Variants in ZFAND3 observed in about 807,000 individuals in gnomAD.
The protein encoded by ZFAND3 is zinc finger AN1-type containing 3.
In ZFAND3, 10 loss-of-function variants were observed where a neutral mutation model predicts 29.6. The observed-to-expected ratio is 0.34, with a 90% CI of 0.21 to 0.57. ZFAND3 has a LOEUF of 0.57. Among genes scored for constraint, ZFAND3 ranks in the 20% least tolerant of loss-of-function variants. The pLI is 0.86. For synonymous variants in ZFAND3, 128 were observed against 112.6 expected (o/e 1.14, Z -0.87); for missense variants, 230 against 304.5 (o/e 0.76, Z 1.82).
At chr6:38,062,924 C>CA (rs879824351) in intron 3 of ZFAND3, among the ~76,000 whole-genome samples, 2,067 of 133,056 alleles carry the variant, frequency 0.016, 18 homozygotes, top group Middle Eastern at 0.019. Context: ...TTGTCTCTAC[C>CA]AAAAAAAAAA....
intron 1 of ZFAND3, among the ~76,000 whole-genome samples, chr6:37,905,497 A>G (rs1765391398): frequency 6.6e-6 from 1 of 152,138 alleles, no homozygotes; most frequent in Admixed American, 6.6e-5. Flanking sequence ...AATATCTTAT[A>G]CTGGTAGAGG....
chr6:37,987,025 T>G (rs770713595), intron 2 of ZFAND3, among the ~76,000 whole-genome samples: 18 of 152,220 alleles, frequency 1.2e-4, no homozygotes, highest in Non-Finnish European at 4.4e-5. Context: ...GGGCAATGAT[T>G]TATCTCTGAG....
intron 4 of ZFAND3, among the ~76,000 whole-genome samples, chr6:38,102,076 C>T (rs1765105070): frequency 1.3e-5 from 2 of 152,202 alleles, no homozygotes; most frequent in Middle Eastern, 3.4e-3. Context: ...AAATCATCTT[C>T]CTCCTTTCTT....
chr6:38,013,702 G>A (rs1490383125), intron 2 of ZFAND3, among the ~76,000 whole-genome samples: 1 of 151,152 alleles, frequency 6.6e-6, no homozygotes, highest in Non-Finnish European at 1.5e-5. Context: ...TTAAAACTTA[G>A]CCACACATTT....
At chr6:38,134,062 C>A (rs1765795547) in intron 5 of ZFAND3, among the ~76,000 whole-genome samples, 1 of 152,158 alleles carries the variant, frequency 6.6e-6, no homozygotes, top group African/African-American at 2.4e-5. Context: ...ACTGTGAGAA[C>A]CACTTAAGAT....
At chr6:38,058,546 G>C (rs928523724) in intron 2 of ZFAND3, among the ~76,000 whole-genome samples, 6 of 152,172 alleles carry the variant, frequency 3.9e-5, no homozygotes, top group Non-Finnish European at 8.8e-5. Context: ...AGCAGTGGGG[G>C]CTTTAGAGCA....
Position 37,835,570 on chromosome 6 carries a change from T to C in ZFAND3, c.71+15554T>C, listed in dbSNP as rs1763952768. On this transcript the variant is annotated intron_variant, in intron 1 of 5. Transcript: ENST00000287218. Reference sequence around the variant, plus strand: ...TATTTTAAATCCTTTTTTAAAAAAATTATAAAATGAGTGTATTTGTGTGGT... The same window carrying C: ...TATTTTAAATCCTTTTTTAAAAAAACTATAAAATGAGTGTATTTGTGTGGT... 1.3e-5 allele frequency among the ~76,000 whole-genome samples: 2 copies of C among 151,828 alleles called. 1 individual carries two copies. Among genetic ancestry groups the C allele is most frequent in the South Asian group, 4.2e-4 (2 of 4,786 alleles).
intron 4 of ZFAND3, among the ~76,000 whole-genome samples, chr6:38,084,520 T>C (rs12194823): frequency 0.29 from 43,672 of 152,120 alleles, 7,169 homozygotes; most frequent in Non-Finnish European, 0.38. Context: ...TGTTGATAAA[T>C]ACATCAATGA....
intron 2 of ZFAND3, among the ~76,000 whole-genome samples, chr6:37,932,446 A>G (rs1346854081): frequency 2.0e-5 from 3 of 152,154 alleles, no homozygotes; most frequent in Admixed American, 1.3e-4. Context: ...AAATGCTCCA[A>G]AGTGCAAATG....
At chr6:37,883,368 C>A (rs1764931619) in intron 1 of ZFAND3, among the ~76,000 whole-genome samples, 1 of 152,234 alleles carries the variant, frequency 6.6e-6, no homozygotes, top group African/African-American at 2.4e-5. Context: ...ACTGTACCAG[C>A]AATATTGTCA....
chr6:38,059,331 A>G (rs1322325345), intron 2 of ZFAND3, among the ~76,000 whole-genome samples: 3 of 152,200 alleles, frequency 2.0e-5, no homozygotes, highest in East Asian at 3.8e-4. Context: ...AAATTTTTAT[A>G]TAAGTATTAT....
At chr6:37,998,380 C>T (rs1055584893) in intron 2 of ZFAND3, among the ~76,000 whole-genome samples, 2 of 152,014 alleles carry the variant, frequency 1.3e-5, no homozygotes, top group Non-Finnish European at 2.9e-5. Context: ...ATAGTGGCTA[C>T]GTGACAGTTG....
At chr6:38,013,830 C>T (rs1763204066) in intron 2 of ZFAND3, among the ~76,000 whole-genome samples, 1 of 152,126 alleles carries the variant, frequency 6.6e-6, no homozygotes, top group Non-Finnish European at 1.5e-5. Context: ...TTAAAAAAGA[C>T]ACCCCATGTT....
intron 5 of ZFAND3, among the ~76,000 whole-genome samples, chr6:38,132,550 C>T (rs776506438): frequency 2.6e-5 from 4 of 152,198 alleles, no homozygotes; most frequent in Non-Finnish European, 4.4e-5. Flanking sequence ...CACAGACCTA[C>T]TGTGTGTAAC....
At chr6:37,896,514 T>TTTTCTCTCTTTC (rs1765208029) in intron 1 of ZFAND3, among the ~76,000 whole-genome samples, 1 of 109,100 alleles carries the variant, frequency 9.2e-6, no homozygotes, top group South Asian at 3.3e-4. Context: ...TTCCTCTTTC[T>TTTTCTCTCTTTC]TTTCTTTCTT....
chr6:37,878,255 G>C (rs1327215082), intron 1 of ZFAND3, among the ~76,000 whole-genome samples: 1 of 152,202 alleles, frequency 6.6e-6, no homozygotes, highest in Non-Finnish European at 1.5e-5. Context: ...CTATCCGTGG[G>C]ACAGTGGGAG....
rs963205780 is a variant in ZFAND3 at position 37,998,323 on chromosome 6, C to T, written c.113-63270C>T. On this transcript the variant is annotated intron_variant, in intron 2 of 5. Transcript: ENST00000287218. Reference sequence around the variant, plus strand: ...TGAGGAGGATTGAATAGGTGAAGCACGGGGGAATTTTTAGAGGGATGGAAC... The same window carrying T: ...TGAGGAGGATTGAATAGGTGAAGCATGGGGGAATTTTTAGAGGGATGGAAC... Among the ~76,000 whole-genome samples the T allele has an allele frequency of 3.9e-5, 6 of 151,980 alleles. No homozygotes were observed. In the East Asian group the frequency reaches 5.8e-4, roughly 15 times the overall value.
chr6:37,859,680 G>A (rs1224364734), intron 1 of ZFAND3, among the ~76,000 whole-genome samples: 1 of 152,034 alleles, frequency 6.6e-6, no homozygotes, highest in African/African-American at 2.4e-5. Flanking sequence ...ATTCATGAAT[G>A]GCTTGCAAAT....
At chr6:38,114,479 A>G (rs1171787085) in intron 4 of ZFAND3, among the ~76,000 whole-genome samples, 2 of 152,252 alleles carry the variant, frequency 1.3e-5, no homozygotes, top group Non-Finnish European at 2.9e-5. Context: ...CTTGCCTTCA[A>G]TTGTTTTCAT....
Sources: gnomAD v4.1 joint callset for allele counts (sites outside exome capture counted in the v4.1 genomes callset) on GRCh38, gnomAD v4.1.1 for gene constraint, MANE v1.5 for transcripts, NCBI Gene and HGNC (gene_info 2026-07-23, HGNC 2026-07-21) for gene names.